KANSL1L: variants seen among roughly 807,000 people sequenced by gnomAD.
KANSL1L encodes the protein KAT8 regulatory NSL complex subunit 1 like.
Under a neutral mutation model 108.6 loss-of-function variants are expected in KANSL1L, and 25 were observed. The ratio of observed to expected loss-of-function variants is 0.23; its 90% CI spans 0.17 to 0.32. The LOEUF (loss-of-function observed/expected upper bound fraction) is 0.32. Among genes scored for constraint, KANSL1L ranks in the 10% least tolerant of loss-of-function variants. KANSL1L has a pLI of 1.00. For missense variants in KANSL1L, 1,137 were observed against 1,125.7 expected, an observed-to-expected ratio of 1.01 and a Z score of -0.14; for synonymous variants, 405 against 395.1, an observed-to-expected ratio of 1.03 and a Z score of -0.30.
chr2:210,167,252 C>A (rs1342441685), intron 1 of KANSL1L, among the ~76,000 whole-genome samples: 1 of 151,974 alleles, frequency 6.6e-6, no homozygotes, highest in Non-Finnish European at 1.5e-5. Flanking sequence ...GTAAACACTG[C>A]AATAACTGGC....
intron 6 of KANSL1L, among the ~76,000 whole-genome samples, chr2:210,067,304 A>G (rs1166734880): frequency 2.0e-5 from 3 of 152,122 alleles, no homozygotes; most frequent in Non-Finnish European, 4.4e-5. Flanking sequence ...ATATATCTAT[A>G]TATATTCTAT....
At chr2:210,140,637 G>C (rs1310325666) in intron 2 of KANSL1L, among the ~76,000 whole-genome samples, 1 of 152,074 alleles carries the variant, frequency 6.6e-6, no homozygotes, top group East Asian at 1.9e-4. Context: ...TGGCTCATGG[G>C]GTCTTGCTTG....
At chr2:210,056,297 A>G (rs1245014162) in intron 6 of KANSL1L, among the ~76,000 whole-genome samples, 14 of 152,092 alleles carry the variant, frequency 9.2e-5, no homozygotes, top group Admixed American at 9.2e-4. Flanking sequence ...CTGTTCCTCC[A>G]TTCTCTCCCC....
intron 6 of KANSL1L, among the ~76,000 whole-genome samples, chr2:210,058,689 T>C (rs1461567736): frequency 5.9e-5 from 9 of 151,950 alleles, no homozygotes; most frequent in African/African-American, 1.2e-4. Flanking sequence ...TTTAAAAAAT[T>C]AGCCGGGCGT....
At chr2:210,025,006 C>A in intron 13 of KANSL1L, 98 bp downstream of exon 13, 2 of 746,260 alleles carry the variant, frequency 2.7e-6, no homozygotes, top group Non-Finnish European at 4.9e-6. Context: ...GTTACAACAG[C>A]ATGTTTTCCT....
intron 9 of KANSL1L, chr2:210,031,016 C>A (rs943376460): frequency 6.4e-6 from 1 of 156,006 alleles, no homozygotes; most frequent in Non-Finnish European, 1.4e-5. Context: ...TAAGTTGAAT[C>A]TTGTTGACTT....
chr2:210,030,499 C>CT (rs34540957), intron 9 of KANSL1L, among the ~76,000 whole-genome samples: 27,320 of 117,952 alleles, frequency 0.23, 3,394 homozygotes, highest in Non-Finnish European at 0.32. Context: ...CTTCCAAGTT[C>CT]TTTTTTTTTT....
At chr2:210,129,459 T>C (rs551021617) in intron 2 of KANSL1L, among the ~76,000 whole-genome samples, 2 of 152,230 alleles carry the variant, frequency 1.3e-5, no homozygotes, top group South Asian at 4.1e-4. Context: ...TAAACAGAGA[T>C]AAACCAGCAA....
intron 6 of KANSL1L, among the ~76,000 whole-genome samples, chr2:210,055,137 A>T (rs1210215246): frequency 6.6e-6 from 1 of 152,154 alleles, no homozygotes; most frequent in Non-Finnish European, 1.5e-5. Flanking sequence ...GTTCTTGTGA[A>T]TTCTCACGAG....
At chr2:210,157,012 G>GT (rs1434557147) in intron 1 of KANSL1L, among the ~76,000 whole-genome samples, 1 of 151,204 alleles carries the variant, frequency 6.6e-6, no homozygotes. Context: ...AAAAAAGATG[G>GT]TTTTTTTCAG....
intron 5 of KANSL1L, among the ~76,000 whole-genome samples, chr2:210,087,690 G>GA: frequency 6.6e-6 from 1 of 152,118 alleles, no homozygotes; most frequent in East Asian, 1.9e-4. Flanking sequence ...TTACTCTCCT[G>GA]AAGCTTATGT....
intron 3 of KANSL1L, among the ~76,000 whole-genome samples, chr2:210,107,536 T>A (rs56046747): frequency 0.73 from 94,365 of 129,462 alleles, 33,600 homozygotes; most frequent in African/African-American, 0.78. Flanking sequence ...ATATATATAT[T>A]TTTTTTTTTT....
At chr2:210,132,161 ATATGGCTAACTTGC>A (rs1487800598) in intron 2 of KANSL1L, among the ~76,000 whole-genome samples, 1 of 152,254 alleles carries the variant, frequency 6.6e-6, no homozygotes, top group Non-Finnish European at 1.5e-5. Context: ...ACAGATAAAT[ATATGGCTAACTTGC>A]TCAAACAAGA....
In KANSL1L at chr2:210,079,650, A is replaced by ATATGTGTGTG. The variant is rs1553653252; in HGVS notation, c.1551-3895_1551-3894insCACACACATA. On this transcript the variant is annotated intron_variant, in intron 5 of 14. Transcript: ENST00000281772. ...TATATATATATATATATATATATAT[A>ATATGTGTGTG]TATATATATATATATGTATGTGTGT... Among the ~76,000 whole-genome samples, 14 of 19,526 alleles carry ATATGTGTGTG rather than the reference A, an allele frequency of 7.2e-4. 1 individual carries two copies. The highest frequency in any genetic ancestry group is 5.5e-3 in the South Asian group (2 of 364). The allele number at this position is 19,526 out of a possible 152,430, so 12.8% of individuals were successfully genotyped here.
chr2:210,023,141 A>G lies in KANSL1L; in HGVS notation c.2772T>C (p.Gly924=). The G allele has an allele frequency of 6.2e-7, 1 of 1,613,922 alleles. No homozygotes were observed. Among genetic ancestry groups the G allele is most frequent in the Non-Finnish European group, 8.5e-7 (1 of 1,179,910 alleles). ...WWERRAFPLK[G]EDMAALLCQD... is the part of the protein sequence containing the mutation. ...GACATAATAAGGCTGCCATGTCTTC[A>G]CCCTTCAGTGGAAAAGCCCGTCGTT... The change falls in exon 15 of 15, where the codon GGT becomes GGC. Residue 924 remains glycine (G), a synonymous_variant. Coordinates refer to ENST00000281772, the MANE Select transcript of KANSL1L (RefSeq NM_152519.4).
At chr2:210,136,626 G>A (rs1048260949) in intron 2 of KANSL1L, among the ~76,000 whole-genome samples, 2 of 152,078 alleles carry the variant, frequency 1.3e-5, no homozygotes, top group Non-Finnish European at 2.9e-5. Flanking sequence ...AACTGTACAC[G>A]GGCCTGGATG....
At chr2:210,146,156 G>A (rs1165673167) in intron 2 of KANSL1L, among the ~76,000 whole-genome samples, 3 of 152,098 alleles carry the variant, frequency 2.0e-5, no homozygotes, top group Non-Finnish European at 4.4e-5. Flanking sequence ...ACCCTTCTTT[G>A]TTTCTAGCCA....
intron 5 of KANSL1L, among the ~76,000 whole-genome samples, chr2:210,083,829 CAAAAA>C (rs61456616): frequency 1.9e-5 from 1 of 52,908 alleles, no homozygotes. Context: ...GACTCCATCT[CAAAAA>C]AAAAAAAAAA....
rs890048628 is a variant in KANSL1L, at chr2:210,101,669, G to A, written c.1428+2435C>T. Among the ~76,000 whole-genome samples the A allele has an allele frequency of 2.6e-5, 4 of 152,154 alleles. No homozygotes were observed. The East Asian group carries it at 5.8e-4, about 22-fold the overall frequency. On this transcript the variant is annotated intron_variant, in intron 4 of 14. Coordinates refer to ENST00000281772, the MANE Select transcript of KANSL1L (RefSeq NM_152519.4). ...TTTAAATCAATGCTTATATGGTCAA[G>A]TGCATTATAATTTGACATCAGATAA...
Sources: gnomAD v4.1 joint callset for allele counts (sites outside exome capture counted in the v4.1 genomes callset) on GRCh38, gnomAD v4.1.1 for gene constraint, MANE v1.5 for transcripts, NCBI Gene and HGNC (gene_info 2026-07-23, HGNC 2026-07-21) for gene names.